MCF2: variants seen among roughly 807,000 people sequenced by gnomAD.
MCF2 encodes the protein proto-oncogene DBL.
Under a neutral mutation model 82.5 loss-of-function variants are expected in MCF2, and 44 were observed. The ratio of observed to expected loss-of-function variants is 0.53; its 90% CI spans 0.42 to 0.69. The LOEUF is 0.69. MCF2 is among the 30% of genes least tolerant of loss of function. The pLI, the probability that MCF2 is intolerant of heterozygous loss-of-function variation, is 0.00. For synonymous variants in MCF2, 217 were observed against 224.9 expected (o/e 0.96, Z 0.32); for missense variants, 623 against 663.1 (o/e 0.94, Z 0.66).
chrX:139,683,846 CTAAGTA>C (rs1473754758), intron 1 of MCF2, among the ~76,000 whole-genome samples: 3 of 111,946 alleles, frequency 2.7e-5, no homozygotes, highest in African/African-American at 9.7e-5. Flanking sequence ...GATCAAAGAT[CTAAGTA>C]TAAGAAGTAA....
At chrX:139,656,084 C>T (rs370736697) in intron 1 of MCF2, among the ~76,000 whole-genome samples, 19 of 111,630 alleles carry the variant, frequency 1.7e-4, no homozygotes, top group Non-Finnish European at 3.2e-4. Flanking sequence ...TGTTTTGAGA[C>T]GGAGTCTCGC....
chrX:139,676,709 C>A (rs1376114560), intron 1 of MCF2, among the ~76,000 whole-genome samples: 1 of 112,037 alleles, frequency 8.9e-6, no homozygotes, highest in Non-Finnish European at 1.9e-5. Flanking sequence ...ACATGCAAAG[C>A]ACTTACCTTA....
At chrX:139,610,444 T>C (rs1178747439) in intron 10 of MCF2, 106 bp from the exon 15 acceptor site, 1 of 446,927 alleles carries the variant, frequency 2.2e-6, no homozygotes, top group Non-Finnish European at 3.6e-6. Flanking sequence ...TATTCCAATA[T>C]GTTTATATTA....
Position 139,657,287 on chromosome X carries a change from G to T in MCF2, c.-44-5499C>A, listed in dbSNP as rs138119494. Among the ~76,000 whole-genome samples, 85 of 112,188 alleles carry T rather than the reference G, an allele frequency of 7.6e-4. 3 individuals are homozygous for T. The East Asian group carries it at 0.023, about 30-fold the overall frequency. On this transcript the variant is annotated intron_variant, in intron 1 of 27. Coordinates refer to the MCF2 transcript ENST00000414978. The stretch of plus-strand genomic sequence containing the variant: ...TAATATTTATTTTATTATTTAAAAG[G>T]TAGTTGTGCCAATGAGGATACAAAC...
chrX:139,583,322 TA>T (rs745492115), intron 24 of MCF2, among the ~76,000 whole-genome samples: 3 of 112,287 alleles, frequency 2.7e-5, no homozygotes, highest in Non-Finnish European at 3.8e-5. Flanking sequence ...TTAATATTTT[TA>T]AACAATTATT....
chrX:139,593,258 G>T (rs188324808), intron 19 of MCF2, among the ~76,000 whole-genome samples: 3 of 110,437 alleles, frequency 2.7e-5, no homozygotes, highest in African/African-American at 9.8e-5. Flanking sequence ...TTTTTATTGC[G>T]TCTATTTGAT....
chrX:139,703,111 G>A (rs972130866), intron 1 of MCF2, among the ~76,000 whole-genome samples: 5 of 111,926 alleles, frequency 4.5e-5, no homozygotes, highest in African/African-American at 9.7e-5. Context: ...CTTCTGTCAC[G>A]AAGCCTTCTT....
intron 15 of MCF2, among the ~76,000 whole-genome samples, chrX:139,603,074 C>T (rs1365604070): frequency 4.5e-5 from 5 of 111,941 alleles, no homozygotes; most frequent in East Asian, 2.8e-4. Context: ...CTATGCAAGA[C>T]GCCCCTCTTC....
At chrX:139,597,519 G>A (rs770058884) in exon 18 of MCF2, 5 of 1,193,432 alleles carry the variant, frequency 4.2e-6, no homozygotes, top group Admixed American at 2.2e-5. Flanking sequence ...AGTAAATCCA[G>A]CATTGCATCG....
intron 1 of MCF2, among the ~76,000 whole-genome samples, chrX:139,640,464 A>G (rs2148510813): frequency 8.9e-6 from 1 of 111,889 alleles, no homozygotes; most frequent in Non-Finnish European, 1.9e-5. Flanking sequence ...CGTCAGGAGG[A>G]TAGCCCAAAG....
chrX:139,651,890 G>T, intron 1 of MCF2, 102 bp from the exon 2 acceptor site: 1 of 497,497 alleles, frequency 2.0e-6, no homozygotes, highest in Non-Finnish European at 3.4e-6. Flanking sequence ...TATTCTGGGA[G>T]CCCCACAGGT....
chrX:139,600,407 C>T (rs73573984), intron 16 of MCF2, among the ~76,000 whole-genome samples: 1,817 of 111,455 alleles, frequency 0.016, 32 homozygotes, highest in African/African-American at 0.056. Context: ...CTTCTCTTCC[C>T]TTCCTTTGGC....
At chrX:139,613,979 C>A (rs910248030) in intron 10 of MCF2, among the ~76,000 whole-genome samples, 1 of 110,660 alleles carries the variant, frequency 9.0e-6, no homozygotes, top group African/African-American at 3.3e-5. Flanking sequence ...TGCTCATTAT[C>A]CTTGGCTCAA....
intron 4 of MCF2, among the ~76,000 whole-genome samples, chrX:139,627,271 T>C (rs1276497533): frequency 1.8e-5 from 2 of 111,797 alleles, no homozygotes; most frequent in Non-Finnish European, 3.8e-5. Context: ...AATAAAGCAG[T>C]AGTAGCACAA....
intron 1 of MCF2, among the ~76,000 whole-genome samples, chrX:139,636,956 T>C (rs1186177674): frequency 1.8e-5 from 2 of 111,825 alleles, no homozygotes; most frequent in Non-Finnish European, 3.8e-5. Flanking sequence ...CTGATTATCT[T>C]AGCATACCTT....
At chrX:139,589,799 G>T in intron 20 of MCF2, 36 bp downstream of exon 24, 1 of 985,128 alleles carries the variant, frequency 1.0e-6, no homozygotes. Context: ...TTTCAATGCA[G>T]GTTTGGGTTT....
At chrX:139,679,075 A>C (rs1270861340) in intron 1 of MCF2, among the ~76,000 whole-genome samples, 1 of 112,630 alleles carries the variant, frequency 8.9e-6, no homozygotes, top group Non-Finnish European at 1.9e-5. Context: ...ATGTGGCAAC[A>C]AAGATCAAAT....
chrX:139,697,300 T>C (rs1935403046), intron 1 of MCF2, among the ~76,000 whole-genome samples: 1 of 111,611 alleles, frequency 9.0e-6, no homozygotes, highest in African/African-American at 3.3e-5. Flanking sequence ...GAAACCAATA[T>C]CATGAAAACA....
At chrX:139,655,928 C>T (rs367956838) in intron 1 of MCF2, among the ~76,000 whole-genome samples, 13 of 112,431 alleles carry the variant, frequency 1.2e-4, no homozygotes, top group African/African-American at 3.9e-4. Context: ...AGTGGGCATC[C>T]TTGTCTTGCT....
Sources: gnomAD v4.1 joint callset for allele counts (sites outside exome capture counted in the v4.1 genomes callset) on GRCh38, gnomAD v4.1.1 for gene constraint, MANE v1.5 for transcripts, NCBI Gene and HGNC (gene_info 2026-07-23, HGNC 2026-07-21) for gene names.